Variants in MAPK8IP3 observed in about 807,000 individuals in gnomAD.
The protein encoded by MAPK8IP3 is C-Jun-amino-terminal kinase-interacting protein 3.
A neutral mutation model predicts 157.8 loss-of-function variants in MAPK8IP3; 49 were observed. That is an observed-to-expected ratio of 0.31 (90% CI 0.25 to 0.39). The LOEUF is 0.39. Among genes scored for constraint, MAPK8IP3 ranks in the 10% least tolerant of loss-of-function variants. The pLI, the probability that MAPK8IP3 is intolerant of heterozygous loss-of-function variation, is 1.00. For synonymous variants in MAPK8IP3, 897 were observed against 777.7 expected (o/e 1.15, Z -2.55); for missense variants, 1,478 against 1,889.4 (o/e 0.78, Z 4.04).
chr16:1,727,109 CTGTG>C (rs2038932632), intron 2 of MAPK8IP3, among the ~76,000 whole-genome samples: 1 of 146,148 alleles, frequency 6.8e-6, no homozygotes, highest in Non-Finnish European at 1.5e-5. Flanking sequence ...TGTGGAGCGT[CTGTG>C]TGAGTGTCAT....
intron 8 of MAPK8IP3, among the ~76,000 whole-genome samples, chr16:1,757,351 G>A (rs1393939494): frequency 3.3e-5 from 5 of 152,122 alleles, no homozygotes; most frequent in Admixed American, 6.5e-5. Context: ...TGATCCGCCC[G>A]CCTCGGCCTC....
At position 1,766,124 on chromosome 16, in the gene MAPK8IP3, G is replaced by A. The variant is rs1283583681; in HGVS notation, c.2611G>A (p.Val871Met). ...SNCSSRGDTP[V>M]LDKGQGEVAT... is the part of the protein sequence containing the mutation. ...CTGCTCCTCCCGAGGGGACACCCCA[G>A]TGCTAGACAAGGGGCAGGGTGAGTC... The change falls in exon 21 of 32, where the codon GTG becomes ATG. Residue 871 changes from valine (V) to methionine (M), a missense_variant. By Grantham distance (21) the Val-to-Met change is conservative (BLOSUM62 1). Coordinates refer to ENST00000610761, the MANE Select transcript of MAPK8IP3 (RefSeq NM_001318852.2). The A allele has an allele frequency of 6.2e-7, 1 of 1,611,802 alleles. No individual in the cohort carries two copies. Among genetic ancestry groups the A allele is most frequent in the African/African-American group, 1.3e-5 (1 of 75,064 alleles).
rs980093673 is a variant in MAPK8IP3, at chr16:1,742,324, A to G, written c.603-1008A>G. ...GGTCATCCCTAGGGACTGAGCCCAC[A>G]GCAGGGGGCACTGAGCACTGTCCTG... On this transcript the variant is annotated intron_variant, in intron 4 of 31. Coordinates refer to ENST00000610761, the MANE Select transcript of MAPK8IP3 (RefSeq NM_001318852.2). The surrounding 1 kb of genome is among the most constrained non-coding windows in gnomAD (Gnocchi z 5.0). 3.3e-5 allele frequency among the ~76,000 whole-genome samples: 5 copies of G among 152,130 alleles called. No homozygotes were observed. The highest frequency in any genetic ancestry group is 7.4e-5 in the Non-Finnish European group (5 of 68,016).
At chr16:1,767,016 C>T (rs2042309471) in intron 25 of MAPK8IP3, 45 bp downstream of exon 25, 1 of 1,567,768 alleles carries the variant, frequency 6.4e-7, no homozygotes, top group Non-Finnish European at 8.7e-7. Flanking sequence ...GCTGATGGCC[C>T]TGGCATTGTT....
chr16:1,749,535 G>A, intron 8 of MAPK8IP3, among the ~76,000 whole-genome samples: 1 of 151,992 alleles, frequency 6.6e-6, no homozygotes, highest in Non-Finnish European at 1.5e-5. Flanking sequence ...TGTGGCGGCT[G>A]CAAACATCAG....
rs79899740 is a variant in MAPK8IP3, at chr16:1,716,247, G to A, written c.319-8310G>A. On this transcript the variant is annotated intron_variant, in intron 1 of 31. Transcript: ENST00000610761. Reference sequence around the variant, plus strand: ...AAAGGAAGGATGATATCATTCTATGGAATACTGAAAAAACTGGCTTGGATT... The same window carrying A: ...AAAGGAAGGATGATATCATTCTATGAAATACTGAAAAAACTGGCTTGGATT... 0.013 allele frequency among the ~76,000 whole-genome samples: 1,924 copies of A among 151,254 alleles called. 51 individuals are homozygous for A. The East Asian group carries it at 0.13, about 10-fold the overall frequency.
At chr16:1,737,806 G>A (rs1233115794) in intron 4 of MAPK8IP3, among the ~76,000 whole-genome samples, 6 of 96,348 alleles carry the variant, frequency 6.2e-5, no homozygotes, top group African/African-American at 4.4e-5. Context: ...CCATGTGACC[G>A]TCCGTGTGAG....
rs201260084 is a variant in MAPK8IP3, at chr16:1,766,897, G to A, written c.3021-7G>A. Reference sequence around the variant, plus strand: ...CCCAAACCAGGCTCACCGCATTCCTGTTTCAGGCATGTCAAAGGCCGTGTG... The same window carrying A: ...CCCAAACCAGGCTCACCGCATTCCTATTTCAGGCATGTCAAAGGCCGTGTG... On this transcript the variant is annotated splice_polypyrimidine_tract_variant and splice_region_variant and intron_variant, in intron 24 of 31. Coordinates refer to ENST00000610761, the MANE Select transcript of MAPK8IP3 (RefSeq NM_001318852.2). 4 of 1,605,098 alleles carry A rather than the reference G, an allele frequency of 2.5e-6. No individual in the cohort carries two copies. Among genetic ancestry groups the A allele is most frequent in the South Asian group, 1.1e-5 (1 of 90,480 alleles).
chr16:1,735,563 GT>G (rs2039656107), intron 4 of MAPK8IP3, among the ~76,000 whole-genome samples: 15 of 145,160 alleles, frequency 1.0e-4, no homozygotes, highest in African/African-American at 3.4e-4. Context: ...GAGTGTGACC[GT>G]CCATGTGAGA....
At chr16:1,727,562 G>A (rs2038971476) in intron 2 of MAPK8IP3, among the ~76,000 whole-genome samples, 1 of 152,144 alleles carries the variant, frequency 6.6e-6, no homozygotes, top group African/African-American at 2.4e-5. Flanking sequence ...TCTAAGTCGT[G>A]TGTGTGAGGT....
rs1376527375 is a variant in MAPK8IP3 at position 1,710,777 on chromosome 16, GT to G, written c.318+4126del. 6.6e-6 allele frequency among the ~76,000 whole-genome samples: 1 copy of G among 152,216 alleles called. No homozygotes were observed. Among genetic ancestry groups the G allele is most frequent in the Admixed American group, 6.5e-5 (1 of 15,290 alleles). On this transcript the variant is annotated intron_variant, in intron 1 of 31. Coordinates refer to ENST00000610761, the MANE Select transcript of MAPK8IP3 (RefSeq NM_001318852.2). The surrounding 1 kb of genome is among the most constrained non-coding windows in gnomAD (Gnocchi z 4.1). ...CTGCCATGTTATGATATTAAGAACA[GT>G]TTTTTAAAAAATGTTTTTTAAATGA...
intron 10 of MAPK8IP3, among the ~76,000 whole-genome samples, chr16:1,759,519 A>T (rs2041814506): frequency 6.6e-6 from 1 of 152,056 alleles, no homozygotes; most frequent in East Asian, 1.9e-4. Flanking sequence ...CCCTGTCCTC[A>T]CAGCCGCGCC....
chr16:1,739,567 CGTGTGT>C (rs565602320), intron 4 of MAPK8IP3, among the ~76,000 whole-genome samples: 15 of 84,628 alleles, frequency 1.8e-4, no homozygotes, highest in South Asian at 4.7e-4. Flanking sequence ...TGTGACCGTT[CGTGTGT>C]GTGTGACCGT....
chr16:1,743,940 G>A lies in MAPK8IP3; in HGVS notation c.747+464G>A, dbSNP rs978361987. ...TTGCCCTCCGTTGGCAGAAAGGTGA[G>A]GAGAAAGCTCCTCTTCTCTGGGCCC... On this transcript the variant is annotated intron_variant, in intron 5 of 31. Transcript: ENST00000610761. This position sits in a 1 kb window ranked among gnomAD's most constrained non-coding sequence, Gnocchi z 5.6. The A allele has an allele frequency of 3.6e-5, 36 of 1,006,024 alleles. No homozygotes were observed. The highest frequency in any genetic ancestry group is 8.1e-5 in the South Asian group (2 of 24,568). 62.3% of individuals were successfully genotyped at this position (1,006,024 alleles called of 1,614,324 possible).
At chr16:1,752,491 C>T (rs1242223287) in intron 8 of MAPK8IP3, 4 of 364,780 alleles carry the variant, frequency 1.1e-5, no homozygotes, top group East Asian at 1.1e-4. Flanking sequence ...ACCTGTAATC[C>T]CAGAGCTTTG....
chr16:1,707,489 G>A (rs866981310), intron 1 of MAPK8IP3: 3 of 152,268 alleles, frequency 2.0e-5, no homozygotes, highest in African/African-American at 7.2e-5. Flanking sequence ...GTGCTAGGAT[G>A]TCTCCATAAC....
intron 4 of MAPK8IP3, among the ~76,000 whole-genome samples, chr16:1,731,221 C>G (rs1464809110): frequency 6.6e-6 from 1 of 151,952 alleles, no homozygotes; most frequent in Non-Finnish European, 1.5e-5. Context: ...CCCAGCTACT[C>G]TGGAGGCTGA....
At chr16:1,731,650 C>T (rs1478106013) in intron 4 of MAPK8IP3, among the ~76,000 whole-genome samples, 1 of 152,226 alleles carries the variant, frequency 6.6e-6, no homozygotes, top group Non-Finnish European at 1.5e-5. Context: ...GACCAGGATG[C>T]ATTGCTTTGA....
chr16:1,738,359 C>T (rs1403621595), intron 4 of MAPK8IP3, among the ~76,000 whole-genome samples: 5 of 73,620 alleles, frequency 6.8e-5, no homozygotes, highest in African/African-American at 1.7e-4. Flanking sequence ...TGTGACCATC[C>T]GTGTGAGTGT....
Sources: allele counts gnomAD v4.1 joint callset (sites outside exome capture counted in the v4.1 genomes callset), GRCh38; gene constraint gnomAD v4.1.1; non-coding constraint Gnocchi (gnomAD v3.1); transcripts MANE v1.5; gene names NCBI Gene and HGNC (gene_info 2026-07-23, HGNC 2026-07-21).